The following DRD3 variants were observed in gnomAD, a reference collection of about 807,000 sequenced individuals.
DRD3 encodes dopamine receptor D3, also known as D(3) dopamine receptor.
In DRD3, 19 loss-of-function variants were observed where a neutral mutation model predicts 36.3. That is an observed-to-expected ratio of 0.52 (90% confidence interval 0.36 to 0.77). The LOEUF (loss-of-function observed/expected upper bound fraction) is 0.77. DRD3 is among the 30% of genes least tolerant of loss of function. DRD3 has a pLI of 0.00. For synonymous variants in DRD3, 195 were observed against 203.7 expected (o/e 0.96, Z 0.36); for missense variants, 465 against 505.3 (o/e 0.92, Z 0.77).
In DRD3 at chr3:114,171,762, C is replaced by G; in HGVS notation, c.231G>C (p.Leu77=). 1 of 1,612,294 alleles carries G rather than the reference C, an allele frequency of 6.2e-7. No homozygotes were observed. ...CCCAGGGCATCACCAAGGTGGCCAC[C>G]AGCAAGTCTGCCACAGCCAGGCTCA... ...LVVSLAVADL[L]VATLVMPWVV... The change falls in exon 2 of 7, where the codon CTG becomes CTC. Residue 77 remains leucine, a synonymous_variant. Coordinates refer to ENST00000383673, the MANE Select transcript of DRD3 (RefSeq NM_000796.6).
At chr3:114,154,943 A>G (rs2077651708) in intron 3 of DRD3, among the ~76,000 whole-genome samples, 1 of 152,026 alleles carries the variant, frequency 6.6e-6, no homozygotes, top group African/African-American at 2.4e-5. Context: ...AGGACTTCCC[A>G]CTCTGCTTTT....
At chr3:114,175,047 T>G (rs1460015167) in intron 1 of DRD3, among the ~76,000 whole-genome samples, 2 of 152,132 alleles carry the variant, frequency 1.3e-5, no homozygotes, top group African/African-American at 4.8e-5. Flanking sequence ...GCTGAATAAT[T>G]CTTTGTTGAG....
upstream of DRD3, among the ~76,000 whole-genome samples, chr3:114,183,753 T>C (rs1160585242): frequency 6.6e-6 from 1 of 152,146 alleles, no homozygotes; most frequent in East Asian, 1.9e-4. Context: ...TGCTCTCTTT[T>C]GGTTACTATT....
intron 1 of DRD3, among the ~76,000 whole-genome samples, chr3:114,189,487 A>G (rs2077992659): frequency 6.6e-6 from 1 of 152,194 alleles, no homozygotes; most frequent in Admixed American, 6.5e-5. Flanking sequence ...TCCAGCTCCA[A>G]TTGTCCATGA....
chr3:114,131,473 C>A, intron 5 of DRD3, 73 bp from the exon 6 acceptor site: 1 of 1,522,632 alleles, frequency 6.6e-7, no homozygotes, highest in Non-Finnish European at 8.8e-7. Flanking sequence ...CCTGAAAGGG[C>A]CAGAGAATTC....
intron 3 of DRD3, among the ~76,000 whole-genome samples, chr3:114,158,650 A>G (rs2077704393): frequency 6.6e-6 from 1 of 152,230 alleles, no homozygotes; most frequent in Non-Finnish European, 1.5e-5. Flanking sequence ...GCCAATGTTT[A>G]TACCATAAAA....
Position 114,171,945 on chromosome 3 carries a change from C to T in DRD3, c.48G>A (p.Gly16=), listed in dbSNP as rs2077849262. 9 of 1,571,446 alleles carry T rather than the reference C, an allele frequency of 5.7e-6. No homozygotes were observed. The highest frequency in any genetic ancestry group is 7.8e-6 in the Non-Finnish European group (9 of 1,158,226). The change falls in exon 2 of 7, where the codon GGG becomes GGA. Residue 16 remains glycine (G), a synonymous_variant. Coordinates refer to ENST00000383673, the MANE Select transcript of DRD3 (RefSeq NM_000796.6). ...QLSGHLNYTC[G]AENSTGASQA... ...GGCTGGCACCTGTGGAGTTCTCTGC[C>T]CCACAGGTGTAGTTCAGGTGGCCAC...
intron 4 of DRD3, among the ~76,000 whole-genome samples, chr3:114,146,855 C>T (rs1228949690): frequency 1.3e-5 from 2 of 152,020 alleles, no homozygotes; most frequent in Non-Finnish European, 2.9e-5. Flanking sequence ...TCCATCCATC[C>T]ACCCAGGAGA....
chr3:114,150,556 C>T (rs1291882856), intron 3 of DRD3, among the ~76,000 whole-genome samples: 2 of 152,216 alleles, frequency 1.3e-5, no homozygotes, highest in African/African-American at 4.8e-5. Flanking sequence ...AACTGTCTGC[C>T]TCATGGGTCA....
intron 5 of DRD3, among the ~76,000 whole-genome samples, chr3:114,132,833 G>A (rs1429701401): frequency 6.6e-6 from 1 of 152,138 alleles, no homozygotes; most frequent in Non-Finnish European, 1.5e-5. Flanking sequence ...CAAAATATGT[G>A]CCTTATTTGA....
At chr3:114,137,835 C>CAA (rs370174238) in intron 5 of DRD3, among the ~76,000 whole-genome samples, 13,426 of 141,356 alleles carry the variant, frequency 0.095, 692 homozygotes, top group Middle Eastern at 0.17. Flanking sequence ...ACTAAAAATA[C>CAA]AAAAAAAAAA....
chr3:114,173,199 G>T (rs1383269328), intron 1 of DRD3, among the ~76,000 whole-genome samples: 1 of 152,134 alleles, frequency 6.6e-6, no homozygotes, highest in Non-Finnish European at 1.5e-5. Context: ...ACCAGACACT[G>T]AATCTTCTGG....
chr3:114,165,827 A>G (rs1313654195), intron 2 of DRD3, among the ~76,000 whole-genome samples: 5 of 151,990 alleles, frequency 3.3e-5, no homozygotes, highest in African/African-American at 1.2e-4. Context: ...TCTATGAAAT[A>G]GGGGGTTTGT....
At chr3:114,137,117 T>C (rs979686855) in intron 5 of DRD3, among the ~76,000 whole-genome samples, 1 of 152,240 alleles carries the variant, frequency 6.6e-6, no homozygotes, top group Non-Finnish European at 1.5e-5. Flanking sequence ...TCTTGTCTTA[T>C]AGATATATGT....
rs1294962942 is a variant in DRD3, at chr3:114,131,125, A to T, written c.999T>A (p.Ile333=). 1 of 1,613,264 alleles carries T rather than the reference A, an allele frequency of 6.2e-7. No individual in the cohort carries two copies. Among genetic ancestry groups the T allele is most frequent in the Admixed American group, 1.7e-5 (1 of 59,998 alleles). Reference sequence around the variant, plus strand: ...AAGCCAACCCAAACTTACCAAGCACAATGGCCACCATTTGGGTTGCCTTCT... The same window carrying T: ...AAGCCAACCCAAACTTACCAAGCACTATGGCCACCATTTGGGTTGCCTTCT... ...REKKATQMVA[I]VLGAFIVCWL... Residue 333 remains isoleucine (I), a synonymous_variant, in exon 6 of 7, where the codon ATT becomes ATA. Transcript: ENST00000383673.
intron 3 of DRD3, among the ~76,000 whole-genome samples, chr3:114,152,612 A>C (rs2077627822): frequency 6.6e-6 from 1 of 152,228 alleles, no homozygotes; most frequent in Non-Finnish European, 1.5e-5. Context: ...ATCGGAGGGC[A>C]CTATAATGCA....
intron 2 of DRD3, among the ~76,000 whole-genome samples, chr3:114,162,377 T>C (rs1360244534): frequency 1.3e-5 from 2 of 152,210 alleles, no homozygotes; most frequent in South Asian, 2.1e-4. Context: ...TACATTTACT[T>C]GATAGGGGAT....
chr3:114,132,902 A>G (rs1318236302), intron 5 of DRD3, among the ~76,000 whole-genome samples: 1 of 152,262 alleles, frequency 6.6e-6, no homozygotes, highest in Admixed American at 6.5e-5. Context: ...GGAAATTTGA[A>G]CATCAATTGG....
chr3:114,184,863 C>T (rs776742999), intron 1 of DRD3, among the ~76,000 whole-genome samples: 41 of 152,182 alleles, frequency 2.7e-4, no homozygotes, highest in Non-Finnish European at 5.1e-4. Flanking sequence ...TGCAACTGAC[C>T]TCCTTCACTT....
Sources: gnomAD v4.1 joint callset for allele counts (sites outside exome capture counted in the v4.1 genomes callset) on GRCh38, gnomAD v4.1.1 for gene constraint, MANE v1.5 for transcripts, NCBI Gene and HGNC (gene_info 2026-07-23, HGNC 2026-07-21) for gene names.